The following ABCC9 variants were observed in gnomAD, a reference collection of about 807,000 sequenced individuals.
ABCC9 encodes the protein ATP-binding cassette sub-family C member 9.
Under a neutral mutation model 188.3 loss-of-function variants are expected in ABCC9, and 95 were observed. The observed-to-expected ratio is 0.50, with a 90% CI of 0.43 to 0.60. The LOEUF is 0.60. ABCC9 is among the 20% of genes least tolerant of loss of function. ABCC9 has a pLI of 0.00. For synonymous variants in ABCC9, 659 were observed against 652.7 expected, an observed-to-expected ratio of 1.01 and a Z score of -0.15; for missense variants, 1,102 against 1,876.3, an observed-to-expected ratio of 0.59 and a Z score of 7.62.
intron 30 of ABCC9, among the ~76,000 whole-genome samples, chr12:21,835,305 T>A (rs969036601): frequency 1.3e-5 from 2 of 152,214 alleles, no homozygotes; most frequent in Non-Finnish European, 2.9e-5. Flanking sequence ...TTCTAAAGAT[T>A]AAGATGAAGG....
intron 5 of ABCC9, among the ~76,000 whole-genome samples, chr12:21,919,825 T>C (rs964950774): frequency 2.6e-5 from 4 of 152,036 alleles, no homozygotes; most frequent in African/African-American, 9.7e-5. Context: ...AGAAAATAAC[T>C]GATGAATATC....
Position 21,843,931 on chromosome 12 carries a change from G to A in ABCC9, c.3315+552C>T, listed in dbSNP as rs560797720. Among the ~76,000 whole-genome samples the A allele has an allele frequency of 1.4e-4, 22 of 152,278 alleles. No individual in the cohort carries two copies. In the East Asian group the frequency reaches 3.9e-3, roughly 27 times the overall value. ...AATTCCTTTCTCAGTCATCCAGAGGGTTCCACTTATAGAGTGATATAATTT... is the reference window on the plus strand; with the variant it reads ...AATTCCTTTCTCAGTCATCCAGAGGATTCCACTTATAGAGTGATATAATTT... On this transcript the variant is annotated intron_variant, in intron 28 of 39. Transcript: ENST00000261200.
rs1211098384 is a variant in ABCC9 at position 21,835,256 on chromosome 12, A to C, written c.3566+2822T>G. On this transcript the variant is annotated intron_variant, in intron 30 of 39. Transcript: ENST00000261200. ...GAAGTGTCCTTTAATTTATTCACAA[A>C]ACATCTGGACACCTAGTATGTAACT... Among the ~76,000 whole-genome samples, 4 of 152,184 alleles carry C rather than the reference A, an allele frequency of 2.6e-5. No homozygotes were observed. The East Asian group carries it at 7.7e-4, about 29-fold the overall frequency.
intron 8 of ABCC9, among the ~76,000 whole-genome samples, chr12:21,911,902 C>T (rs982931542): frequency 9.4e-4 from 18 of 19,214 alleles, no homozygotes; most frequent in African/African-American, 2.9e-3. Flanking sequence ...TTCATGAACA[C>T]TAATGTATGC....
At chr12:21,931,240 G>GT (rs1565496747) in intron 4 of ABCC9, among the ~76,000 whole-genome samples, 2 of 152,030 alleles carry the variant, frequency 1.3e-5, no homozygotes, top group African/African-American at 4.8e-5. Flanking sequence ...AGATCTGATG[G>GT]TTTTTTAAGG....
At chr12:21,891,351 G>C (rs983762090) in intron 14 of ABCC9, among the ~76,000 whole-genome samples, 1 of 151,988 alleles carries the variant, frequency 6.6e-6, no homozygotes, top group African/African-American at 2.4e-5. Flanking sequence ...ACTCTTCTTC[G>C]AGCATTTTAT....
At chr12:21,888,591 C>A (rs1204832806) in intron 14 of ABCC9, among the ~76,000 whole-genome samples, 1 of 152,064 alleles carries the variant, frequency 6.6e-6, no homozygotes, top group African/African-American at 2.4e-5. Flanking sequence ...ATACGAATCA[C>A]ATTATGTATT....
intron 3 of ABCC9, among the ~76,000 whole-genome samples, chr12:21,934,751 C>G (rs1949420452): frequency 6.6e-6 from 1 of 151,932 alleles, no homozygotes; most frequent in African/African-American, 2.4e-5. Flanking sequence ...AGAAAAAAAG[C>G]CCCACCTACT....
At chr12:21,844,940 C>A (rs11836934) in intron 26 of ABCC9, 25 bp from the exon 27 acceptor site, 14 of 1,612,528 alleles carry the variant, frequency 8.7e-6, no homozygotes, top group Non-Finnish European at 1.2e-5. Flanking sequence ...ACACAAAAAG[C>A]ACATAGGAAA....
Position 21,882,768 on chromosome 12 carries a change from T to G in ABCC9, c.2017A>C (p.Lys673Gln), listed in dbSNP as rs1946684026. The G allele has an allele frequency of 1.2e-6, 2 of 1,605,056 alleles. No homozygotes were observed. Among genetic ancestry groups the G allele is most frequent in the South Asian group, 2.2e-5 (2 of 90,930 alleles). Reference protein sequence around the residue: ...RPAETEDIAIKVTNGYFSWGS... With the variant: ...RPAETEDIAIQVTNGYFSWGS... The stretch of plus-strand genomic sequence containing the variant: ...AGAATCCAGGAAATAAAAATAACCT[T>G]TATTGCAATGTCCTCTGTTTCTGCG... Residue 673 changes from lysine to glutamine, a missense_variant and splice_region_variant, in exon 16 of 40, where the codon AAG becomes CAG. This residue lies in a region of ABCC9 where 258 missense variants were observed against 325.6 expected (regional missense o/e 0.79). Coordinates refer to ENST00000261200, the MANE Select transcript of ABCC9 (RefSeq NM_020297.4).
At chr12:21,806,846 T>C (rs917071376) in intron 38 of ABCC9, among the ~76,000 whole-genome samples, 2 of 152,190 alleles carry the variant, frequency 1.3e-5, no homozygotes, top group South Asian at 2.1e-4. Flanking sequence ...TCAAATAATA[T>C]CTTTCAAAAG....
rs1591928494 is a variant in ABCC9 at position 21,805,365 on chromosome 12, G to T, written c.4512+633C>A. 8.4e-6 allele frequency: 13 copies of T among 1,556,610 alleles called. No homozygotes were observed. In the East Asian group the frequency reaches 2.9e-4, roughly 35 times the overall value. On this transcript the variant is annotated intron_variant, in intron 39 of 39. Transcript: ENST00000261200. The stretch of plus-strand genomic sequence containing the variant: ...TCAGCAGAAGGAAAAATGTCCAAGT[G>T]ACTCATTAAAAAATAGTTTTTATTA...
Position 21,922,493 on chromosome 12 carries a change from A to G in ABCC9, c.406+3449T>C, listed in dbSNP as rs375038283. Among the ~76,000 whole-genome samples the G allele has an allele frequency of 3.3e-4, 50 of 152,056 alleles. 1 individual carries two copies. In the East Asian group the frequency reaches 7.9e-3, roughly 24 times the overall value. ...TTAATTGCATTTCACATAATGGAAG[A>G]AACAATTGAAAATGAAATATGAAAT... On this transcript the variant is annotated intron_variant, in intron 5 of 39. Coordinates refer to ENST00000261200, the MANE Select transcript of ABCC9 (RefSeq NM_020297.4).
chr12:21,842,561 TACAC>T, intron 28 of ABCC9, 90 bp from the exon 29 acceptor site: 2 of 1,336,782 alleles, frequency 1.5e-6, no homozygotes. Flanking sequence ...TGTTGATAGT[TACAC>T]AGTTAACTAC....
At chr12:21,838,252 T>C in intron 29 of ABCC9, 82 bp from the exon 30 acceptor site, 2 of 1,073,388 alleles carry the variant, frequency 1.9e-6, no homozygotes, top group East Asian at 2.4e-5. Context: ...GAGAAAGTTA[T>C]TTTGTCACTG....
intron 12 of ABCC9, among the ~76,000 whole-genome samples, chr12:21,904,871 T>C (rs1349339826): frequency 6.6e-6 from 1 of 152,168 alleles, no homozygotes; most frequent in Non-Finnish European, 1.5e-5. Context: ...GACAGTGTGG[T>C]GATTCCTCAA....
At position 21,836,314 on chromosome 12, in the gene ABCC9, C is replaced by G. The variant is rs999962999; in HGVS notation, c.3566+1764G>C. ...GTCTAAGTTATTTAAAGATACTTAT[C>G]AATGCCCTTTGTGCACTGGCCTCTA... On this transcript the variant is annotated intron_variant, in intron 30 of 39. Transcript: ENST00000261200. Among the ~76,000 whole-genome samples the G allele has an allele frequency of 8.5e-5, 13 of 152,172 alleles. No homozygotes were observed. The East Asian group carries it at 2.3e-3, about 27-fold the overall frequency.
At chr12:21,921,569 T>C (rs1334395096) in intron 5 of ABCC9, among the ~76,000 whole-genome samples, 1 of 152,092 alleles carries the variant, frequency 6.6e-6, no homozygotes, top group African/African-American at 2.4e-5. Flanking sequence ...AGAAGCTTTT[T>C]AACTTGATGT....
intron 2 of ABCC9, among the ~76,000 whole-genome samples, chr12:21,938,631 A>G (rs1460822289): frequency 3.3e-5 from 5 of 152,208 alleles, no homozygotes; most frequent in African/African-American, 9.6e-5. Flanking sequence ...AAACTAGAAA[A>G]TGATTTTTAC....
Sources: gnomAD v4.1 joint callset for allele counts (sites outside exome capture counted in the v4.1 genomes callset) on GRCh38, gnomAD v4.1.1 for gene constraint, gnomAD v4.1.1 regional missense constraint, MANE v1.5 for transcripts, NCBI Gene and HGNC (gene_info 2026-07-23, HGNC 2026-07-21) for gene names.